Variants in BEGAIN observed in about 807,000 individuals in gnomAD.
BEGAIN encodes the protein brain-enriched guanylate kinase-associated protein.
Under a neutral mutation model 35.8 loss-of-function variants are expected in BEGAIN, and 19 were observed. The ratio of observed to expected loss-of-function variants is 0.53; its 90% CI spans 0.37 to 0.78. The LOEUF is 0.78. Ranked by LOEUF, BEGAIN falls within the 30% of genes least tolerant of loss-of-function variation. The pLI is 0.00. For missense variants in BEGAIN, 795 were observed against 853.6 expected, an observed-to-expected ratio of 0.93 and a Z score of 0.85; for synonymous variants, 462 against 388.6, an observed-to-expected ratio of 1.19 and a Z score of -2.22.
At chr14:100,577,421 C>T in intron 1 of BEGAIN, 1 of 399,428 alleles carries the variant, frequency 2.5e-6, no homozygotes, top group Non-Finnish European at 4.4e-6. Context: ...CTTGCAGCCT[C>T]AGTGGCCGCC....
intron 1 of BEGAIN, among the ~76,000 whole-genome samples, chr14:100,574,351 C>G (rs1220230308): frequency 6.6e-6 from 1 of 152,176 alleles, no homozygotes; most frequent in East Asian, 1.9e-4. Context: ...CCTGTCCCAC[C>G]TGTGACCTGA....
chr14:100,545,786 ACACT>A (rs1387641275), intron 3 of BEGAIN, among the ~76,000 whole-genome samples: 3 of 152,174 alleles, frequency 2.0e-5, no homozygotes, highest in Non-Finnish European at 4.4e-5. Context: ...GACATTCAAA[ACACT>A]CAGGAGCTGG....
Position 100,540,515 on chromosome 14 carries a change from C to G in BEGAIN, c.473G>C (p.Arg158Thr). ...QLLQCSQTYGRVHKVSELPSD... is the reference protein window; with the variant it reads ...QLLQCSQTYGTVHKVSELPSD... ...CGTTACCTCAGACACCTTGTGGACC[C>G]TGCCGTAGGTCTGGCTGCACTGCAG... is the stretch of plus-strand genomic sequence containing the variant. Residue 158 changes from arginine to threonine, a missense_variant, in exon 6 of 7, where the codon AGG becomes ACG. By Grantham distance (71) the Arg-to-Thr change is moderately conservative (BLOSUM62 -1). This residue lies in a region of BEGAIN where 73 missense variants were observed against 143.2 expected (regional missense o/e 0.51). Transcript: ENST00000554140. 6.2e-7 allele frequency: 1 copy of G among 1,603,872 alleles called. No individual in the cohort carries two copies. Among genetic ancestry groups the G allele is most frequent in the South Asian group, 1.1e-5 (1 of 89,388 alleles).
chr14:100,543,915 G>C lies in BEGAIN; in HGVS notation c.351C>G (p.Ala117=). ...TGGCTTCTAGCAGATGGCTGTTGAGGGCAACAATCTCGTGGCTCAGCGCAC... is the reference window on the plus strand; with the variant it reads ...TGGCTTCTAGCAGATGGCTGTTGAGCGCAACAATCTCGTGGCTCAGCGCAC... The part of the protein sequence containing the change: ...EKRALSHEIV[A]LNSHLLEAKV... Residue 117 remains alanine (A), a synonymous_variant, in exon 5 of 7, where the codon GCC becomes GCG. Transcript: ENST00000554140. 1.2e-6 allele frequency: 2 copies of C among 1,613,568 alleles called. No individual in the cohort carries two copies. The highest frequency in any genetic ancestry group is 8.5e-7 in the Non-Finnish European group (1 of 1,179,874).
At chr14:100,548,944 C>T (rs991615418) in intron 2 of BEGAIN, 1 of 152,232 alleles carries the variant, frequency 6.6e-6, no homozygotes, top group Non-Finnish European at 1.5e-5. Flanking sequence ...TCCTTCACAC[C>T]CAACCACCTG....
chr14:100,552,006 C>T (rs1321873029), intron 2 of BEGAIN, among the ~76,000 whole-genome samples: 1 of 152,150 alleles, frequency 6.6e-6, no homozygotes, highest in African/African-American at 2.4e-5. Flanking sequence ...TGCGTTCGCT[C>T]GAGGCTGCCA....
intron 1 of BEGAIN, among the ~76,000 whole-genome samples, chr14:100,572,256 T>C (rs1343974662): frequency 6.6e-6 from 1 of 152,198 alleles, no homozygotes; most frequent in Non-Finnish European, 1.5e-5. Context: ...GCCCCCATAA[T>C]GGAGCACATA....
rs2035440601 is a variant in BEGAIN at position 100,586,164 on chromosome 14, A to T, written c.42+1085T>A. Among the ~76,000 whole-genome samples the T allele has an allele frequency of 6.6e-6, 1 of 152,086 alleles. No homozygotes were observed. Among genetic ancestry groups the T allele is most frequent in the South Asian group, 2.1e-4 (1 of 4,816 alleles). ...GGCTTCTGCCCACAGTCCTCGTGGG[A>T]GCCTGGCCCTGGGAGTAGTGGGGGT... is the stretch of plus-strand genomic sequence containing the variant. On this transcript the variant is annotated intron_variant, in intron 1 of 6. Coordinates refer to ENST00000554140, the MANE Select transcript of BEGAIN (RefSeq NM_001385089.1). This position sits in a 1 kb window ranked among gnomAD's most constrained non-coding sequence, Gnocchi z 4.9.
At chr14:100,550,230 A>G (rs10133357) in intron 2 of BEGAIN, among the ~76,000 whole-genome samples, 87,427 of 151,728 alleles carry the variant, frequency 0.58, 28,283 homozygotes, top group African/African-American at 0.87. Flanking sequence ...AGGGGGTCCA[A>G]GCCCAAGGAA....
In BEGAIN at chr14:100,567,439, G is replaced by A. The variant is rs1330689291; in HGVS notation, c.71+472C>T. On this transcript the variant is annotated intron_variant, in intron 2 of 6. Coordinates refer to ENST00000554140, the MANE Select transcript of BEGAIN (RefSeq NM_001385089.1). The surrounding 1 kb of genome is among the most constrained non-coding windows in gnomAD (Gnocchi z 5.1). The stretch of plus-strand genomic sequence containing the variant: ...CCCCCACCCCCGCCCCCCAGAGGCG[G>A]ACACTTAAAAGCTCAGAGCCAGGCA... Among the ~76,000 whole-genome samples the A allele has an allele frequency of 3.4e-5, 5 of 149,150 alleles. No homozygotes were observed. The South Asian group carries it at 6.6e-4, about 20-fold the overall frequency.
At chr14:100,566,684 C>G (rs1179949577) in intron 2 of BEGAIN, among the ~76,000 whole-genome samples, 10 of 152,194 alleles carry the variant, frequency 6.6e-5, no homozygotes, top group African/African-American at 2.4e-4. Context: ...ACCTTGGCCA[C>G]GACAAGGTGG....
At chr14:100,543,987 G>T in intron 4 of BEGAIN, 22 bp from the exon 5 acceptor site, 1 of 1,579,842 alleles carries the variant, frequency 6.3e-7, no homozygotes, top group African/African-American at 1.3e-5. Flanking sequence ...ACAGTGGGAG[G>T]AGGAGGCCCG....
chr14:100,538,159 G>T lies in BEGAIN; in HGVS notation c.1649C>A (p.Thr550Asn). The T allele has an allele frequency of 3.3e-6, 5 of 1,533,972 alleles. 1 individual carries two copies. Among genetic ancestry groups the T allele is most frequent in the Non-Finnish European group, 3.5e-6 (4 of 1,144,118 alleles). Residue 550 changes from threonine to asparagine, a missense_variant, in exon 7 of 7, where the codon ACC becomes AAC. Thr to Asn is a moderately conservative substitution (Grantham distance 65). Transcript: ENST00000554140. The stretch of plus-strand genomic sequence containing the variant: ...CTGCTCGGGCTCAGGGCTGCTGGCG[G>T]TCCCACACAGCTGCACCCCGAGCCT... ...GDRLGVQLCGTASSPEPEQGS... is the reference protein window; with the variant it reads ...GDRLGVQLCGNASSPEPEQGS...
chr14:100,585,628 G>A (rs1392325007), intron 1 of BEGAIN, among the ~76,000 whole-genome samples: 1 of 151,694 alleles, frequency 6.6e-6, no homozygotes, highest in African/African-American at 2.4e-5. Flanking sequence ...CCAAGTCTTG[G>A]GAGAGTGGAT....
chr14:100,546,818 A>T (rs2032582192), intron 2 of BEGAIN, 156 bp from the exon 3 acceptor site: 2 of 565,704 alleles, frequency 3.5e-6, no homozygotes, highest in Non-Finnish European at 5.6e-6. Context: ...ACACACTCAC[A>T]CACACCCAGC....
intron 1 of BEGAIN, among the ~76,000 whole-genome samples, chr14:100,585,404 C>CAT (rs2035419912): frequency 1.3e-5 from 1 of 77,732 alleles, no homozygotes; most frequent in Admixed American, 1.2e-4. Flanking sequence ...CCCATCCATC[C>CAT]CTCCCTCCCT....
At chr14:100,546,185 C>T in intron 3 of BEGAIN, 1 of 193,666 alleles carries the variant, frequency 5.2e-6, no homozygotes, top group Non-Finnish European at 1.1e-5. Context: ...TGGAGATCTG[C>T]TGGGTTCAAA....
Position 100,563,878 on chromosome 14 carries a change from CACAA to C in BEGAIN, c.71+4029_71+4032del, listed in dbSNP as rs2034476803. On this transcript the variant is annotated intron_variant, in intron 2 of 6. Transcript: ENST00000554140. This position sits in a 1 kb window ranked among gnomAD's most constrained non-coding sequence, Gnocchi z 4.2. ...TCCACCTACCACCACAAGGGACCCTCACAAACAGAATAGTTTTGGTGAAAAAAAG... is the reference window on the plus strand; with the variant it reads ...TCCACCTACCACCACAAGGGACCCTCACAGAATAGTTTTGGTGAAAAAAAG... 6.6e-6 allele frequency among the ~76,000 whole-genome samples: 1 copy of C among 152,194 alleles called. No homozygotes were observed. The highest frequency in any genetic ancestry group is 1.5e-5 in the Non-Finnish European group (1 of 68,032).
At position 100,538,735 on chromosome 14, in the gene BEGAIN, G is replaced by A. The variant is rs1380989074; in HGVS notation, c.1073C>T (p.Pro358Leu). Residue 358 changes from proline to leucine, a missense_variant, in exon 7 of 7, where the codon CCC becomes CTC. Transcript: ENST00000554140. ...AGGGCTGCCCTCGTAGGTGGTGGCG[G>A]GTGGCTTGCGGTCGAAGAGCTCGTC... is the stretch of plus-strand genomic sequence containing the variant. ...SRDELFDRKP[P>L]ATTYEGSPRF... The A allele has an allele frequency of 3.2e-6, 5 of 1,568,892 alleles. No individual in the cohort carries two copies. In the East Asian group the frequency reaches 9.5e-5, roughly 30 times the overall value.
Sources: gnomAD v4.1 joint callset for allele counts (sites outside exome capture counted in the v4.1 genomes callset) on GRCh38, gnomAD v4.1.1 for gene constraint, gnomAD v4.1.1 regional missense constraint, Gnocchi (gnomAD v3.1) non-coding constraint, MANE v1.5 for transcripts, NCBI Gene and HGNC (gene_info 2026-07-23, HGNC 2026-07-21) for gene names.